Variants in CNTN4 observed in about 807,000 individuals in gnomAD.
The protein encoded by CNTN4 is contactin-4.
A neutral mutation model predicts 122.5 loss-of-function variants in CNTN4; 77 were observed. The ratio of observed to expected loss-of-function variants is 0.63; its 90% confidence interval spans 0.52 to 0.76. CNTN4 has a LOEUF of 0.76. Ranked by LOEUF, CNTN4 falls within the 30% of genes least tolerant of loss-of-function variation. The probability of loss-of-function intolerance (pLI) is 0.00; values close to 1 mark genes in which losing one functional copy is unlikely to be tolerated. For missense variants in CNTN4, 1,256 were observed against 1,259.1 expected (o/e 1.00, Z 0.04); for synonymous variants, 512 against 447.0 (o/e 1.15, Z -1.83).
At chr3:2,705,886 TAA>T (rs1250451641) in intron 4 of CNTN4, among the ~76,000 whole-genome samples, 36 of 75,230 alleles carry the variant, frequency 4.8e-4, no homozygotes, top group African/African-American at 1.8e-3. Flanking sequence ...ATTTTTTATA[TAA>T]TATATAAAAT....
intron 2 of CNTN4, among the ~76,000 whole-genome samples, chr3:2,167,322 C>G (rs1443322521): frequency 6.6e-6 from 1 of 152,008 alleles, no homozygotes; most frequent in African/African-American, 2.4e-5. Context: ...ATAACAGCCT[C>G]CTATCACAAC....
intron 4 of CNTN4, among the ~76,000 whole-genome samples, chr3:2,696,086 A>C (rs1196983648): frequency 6.6e-6 from 1 of 152,186 alleles, no homozygotes; most frequent in Non-Finnish European, 1.5e-5. Context: ...CTGATTTTCT[A>C]ATTCTTAGAT....
intron 7 of CNTN4, among the ~76,000 whole-genome samples, chr3:2,847,166 CAA>C (rs11456371): frequency 6.2e-5 from 9 of 144,170 alleles, no homozygotes; most frequent in Non-Finnish European, 9.1e-5. Flanking sequence ...GCAAATGTTG[CAA>C]AAAAAAAAAA....
chr3:2,247,090 A>G (rs2040186784), intron 2 of CNTN4, among the ~76,000 whole-genome samples: 1 of 152,140 alleles, frequency 6.6e-6, no homozygotes, highest in African/African-American at 2.4e-5. Context: ...ATATATTTAC[A>G]CAGGTGCCTT....
intron 2 of CNTN4, among the ~76,000 whole-genome samples, chr3:2,132,610 C>G (rs2034504465): frequency 6.6e-6 from 1 of 152,146 alleles, no homozygotes; most frequent in African/African-American, 2.4e-5. Context: ...ATGCTGTACT[C>G]TCTGGACAGG....
At chr3:2,908,127 C>G (rs920658925) in intron 12 of CNTN4, among the ~76,000 whole-genome samples, 4 of 152,140 alleles carry the variant, frequency 2.6e-5, no homozygotes, top group Admixed American at 2.6e-4. Context: ...ACCATCATTC[C>G]ACTCCTCTCC....
chr3:2,956,905 G>T (rs1184939313), intron 13 of CNTN4, among the ~76,000 whole-genome samples: 1 of 152,046 alleles, frequency 6.6e-6, no homozygotes, highest in Non-Finnish European at 1.5e-5. Flanking sequence ...GTCTTTCTGT[G>T]CCTGGTTTAT....
At chr3:2,293,333 G>C (rs145836481) in intron 2 of CNTN4, among the ~76,000 whole-genome samples, 128 of 152,312 alleles carry the variant, frequency 8.4e-4, no homozygotes, top group African/African-American at 2.9e-3. Flanking sequence ...CACAGTGCCA[G>C]ACACATAGTA....
At chr3:2,546,081 AG>A (rs1277800130) in intron 3 of CNTN4, among the ~76,000 whole-genome samples, 1 of 152,136 alleles carries the variant, frequency 6.6e-6, no homozygotes, top group Non-Finnish European at 1.5e-5. Context: ...AATGTAAAGT[AG>A]TTCAGCCATT....
chr3:2,560,266 G>A (rs144646908), intron 3 of CNTN4, among the ~76,000 whole-genome samples: 1 of 151,816 alleles, frequency 6.6e-6, no homozygotes, highest in East Asian at 1.9e-4. Context: ...TCAGCCTCCT[G>A]AGTAGCTGGG....
intron 2 of CNTN4, among the ~76,000 whole-genome samples, chr3:2,191,217 T>C (rs2037529211): frequency 6.6e-6 from 1 of 151,658 alleles, no homozygotes; most frequent in African/African-American, 2.4e-5. Context: ...TACAGGCACG[T>C]GGAACCATGC....
At position 3,008,012 on chromosome 3, in the gene CNTN4, G is replaced by A. The variant is rs540242176; in HGVS notation, c.1487-18090G>A. ...GACATTTGGGATTAATGATGTATCT[G>A]TGATGTACTCCTCTGTTGGATTCCC... On this transcript the variant is annotated intron_variant, in intron 14 of 24. Coordinates refer to ENST00000418658, the MANE Select transcript of CNTN4 (RefSeq NM_175607.3). 4.9e-4 allele frequency among the ~76,000 whole-genome samples: 74 copies of A among 152,278 alleles called. 1 individual carries two copies. In the South Asian group the frequency reaches 0.015, roughly 31 times the overall value.
chr3:3,005,887 ATT>A (rs10630939), intron 14 of CNTN4, among the ~76,000 whole-genome samples: 3 of 145,328 alleles, frequency 2.1e-5, no homozygotes, highest in African/African-American at 7.7e-5. Flanking sequence ...ACTGTGTAGA[ATT>A]TTTTTTTTTT....
At chr3:2,908,490 G>T (rs2094262153) in intron 12 of CNTN4, among the ~76,000 whole-genome samples, 1 of 152,140 alleles carries the variant, frequency 6.6e-6, no homozygotes, top group African/African-American at 2.4e-5. Context: ...GAATAAGGAA[G>T]AAGGAGGAAC....
chr3:2,387,080 A>G (rs139152832), intron 3 of CNTN4, among the ~76,000 whole-genome samples: 3 of 152,326 alleles, frequency 2.0e-5, no homozygotes, highest in Admixed American at 6.5e-5. Flanking sequence ...ATAGTCTACT[A>G]TAGTAATAAA....
chr3:2,480,250 C>G (rs2075953239), intron 3 of CNTN4, among the ~76,000 whole-genome samples: 1 of 152,070 alleles, frequency 6.6e-6, no homozygotes, highest in South Asian at 2.1e-4. Flanking sequence ...CAGCATCATA[C>G]TAGATGTTTT....
intron 13 of CNTN4, among the ~76,000 whole-genome samples, chr3:2,941,369 TC>T (rs2094613379): frequency 6.6e-6 from 1 of 152,106 alleles, no homozygotes; most frequent in Non-Finnish European, 1.5e-5. Context: ...ATGTGTGTCT[TC>T]AGTACAGGAT....
At chr3:2,616,839 C>T (rs184839414) in intron 4 of CNTN4, among the ~76,000 whole-genome samples, 1 of 152,292 alleles carries the variant, frequency 6.6e-6, no homozygotes, top group East Asian at 1.9e-4. Flanking sequence ...TAACACCCAA[C>T]ATCTACAACC....
chr3:2,270,196 G>A (rs1475035019), intron 2 of CNTN4, among the ~76,000 whole-genome samples: 1 of 37,270 alleles, frequency 2.7e-5, no homozygotes, highest in African/African-American at 6.1e-5. Flanking sequence ...TGATCCACCC[G>A]CCTCGGCCTC....
Sources: gnomAD v4.1 joint callset for allele counts (sites outside exome capture counted in the v4.1 genomes callset) on GRCh38, gnomAD v4.1.1 for gene constraint, MANE v1.5 for transcripts, NCBI Gene and HGNC (gene_info 2026-07-23, HGNC 2026-07-21) for gene names.